The following CSMD1 variants were observed in gnomAD, a reference collection of about 807,000 sequenced individuals.
CSMD1 encodes CUB and sushi domain-containing protein 1.
In CSMD1, 213 loss-of-function variants were observed where a neutral mutation model predicts 417.5. The observed-to-expected ratio is 0.51, with a 90% CI of 0.46 to 0.57. The LOEUF is 0.57. Among genes scored for constraint, CSMD1 ranks in the 20% least tolerant of loss-of-function variants. The pLI is 0.00. For synonymous variants in CSMD1, 2,862 were observed against 1,736.8 expected, an observed-to-expected ratio of 1.65 and a Z score of -16.11; for missense variants, 6,923 against 4,529.7, an observed-to-expected ratio of 1.53 and a Z score of -15.17.
intron 18 of CSMD1, among the ~76,000 whole-genome samples, chr8:3,370,064 G>T (rs891846216): frequency 1.3e-5 from 2 of 152,142 alleles, no homozygotes; most frequent in Non-Finnish European, 2.9e-5. Flanking sequence ...GATTAAAATG[G>T]TACCTACTGA....
intron 3 of CSMD1, among the ~76,000 whole-genome samples, chr8:4,329,821 T>C (rs1021425098): frequency 7.3e-5 from 11 of 150,344 alleles, no homozygotes; most frequent in African/African-American, 2.7e-4. Context: ...ATGTGGTCAA[T>C]TAAAAAAGTG....
intron 18 of CSMD1, chr8:3,375,126 T>A (rs1002961920): frequency 1.1e-4 from 16 of 152,180 alleles, no homozygotes; most frequent in African/African-American, 3.9e-4. Context: ...CACATGTACA[T>A]GTTAAACACT....
At chr8:4,939,630 C>A (rs773724266) in intron 1 of CSMD1, among the ~76,000 whole-genome samples, 2 of 151,440 alleles carry the variant, frequency 1.3e-5, no homozygotes, top group Non-Finnish European at 2.9e-5. Context: ...CGGCCATTAA[C>A]AAGGGCTGGG....
chr8:4,685,346 G>C (rs933956697), intron 1 of CSMD1, among the ~76,000 whole-genome samples: 1 of 152,164 alleles, frequency 6.6e-6, no homozygotes, highest in African/African-American at 2.4e-5. Context: ...GGCTGAGGCA[G>C]GCAGATCACC....
At chr8:4,245,950 A>G (rs150866326) in intron 3 of CSMD1, among the ~76,000 whole-genome samples, 47 of 152,292 alleles carry the variant, frequency 3.1e-4, no homozygotes, top group Middle Eastern at 6.8e-3. Context: ...TTCCTTCTAA[A>G]CAATACAATC....
intron 50 of CSMD1, among the ~76,000 whole-genome samples, chr8:3,038,734 T>A (rs1045276800): frequency 6.6e-6 from 1 of 152,204 alleles, no homozygotes. Flanking sequence ...ATTGCCCTAA[T>A]TATAAAATTT....
At chr8:4,358,256 T>C (rs910741639) in intron 3 of CSMD1, among the ~76,000 whole-genome samples, 2 of 152,234 alleles carry the variant, frequency 1.3e-5, no homozygotes, top group Non-Finnish European at 2.9e-5. Context: ...TGTTGAACTT[T>C]TGCTTTACCA....
At chr8:3,414,529 A>T (rs1264796775) in intron 12 of CSMD1, among the ~76,000 whole-genome samples, 1 of 152,086 alleles carries the variant, frequency 6.6e-6, no homozygotes, top group Non-Finnish European at 1.5e-5. Flanking sequence ...ATCGCTCCCC[A>T]TGCTGCATCC....
At chr8:4,403,808 C>G (rs1193089352) in intron 3 of CSMD1, among the ~76,000 whole-genome samples, 1 of 152,166 alleles carries the variant, frequency 6.6e-6, no homozygotes, top group Non-Finnish European at 1.5e-5. Flanking sequence ...GCTTACATTT[C>G]TAGCTGCTCA....
intron 57 of CSMD1, among the ~76,000 whole-genome samples, chr8:2,968,265 C>T (rs192550505): frequency 2.6e-5 from 4 of 152,322 alleles, no homozygotes; most frequent in Admixed American, 1.3e-4. Context: ...AATGGAAAGC[C>T]TGTCACAGAA....
chr8:3,509,616 T>C (rs1157419430), intron 10 of CSMD1, among the ~76,000 whole-genome samples: 1 of 152,184 alleles, frequency 6.6e-6, no homozygotes, highest in East Asian at 1.9e-4. Flanking sequence ...ATATAACAGA[T>C]CTAATCTGGG....
chr8:3,923,353 T>C (rs1474990597), intron 5 of CSMD1, among the ~76,000 whole-genome samples: 1 of 152,202 alleles, frequency 6.6e-6, no homozygotes, highest in Non-Finnish European at 1.5e-5. Flanking sequence ...CGTATATTTT[T>C]TTCGCTTGTC....
At chr8:3,526,563 T>C (rs1378923560) in intron 10 of CSMD1, among the ~76,000 whole-genome samples, 1 of 152,166 alleles carries the variant, frequency 6.6e-6, no homozygotes, top group African/African-American at 2.4e-5. Context: ...GTGTCACTAA[T>C]GCATCATTGC....
intron 2 of CSMD1, among the ~76,000 whole-genome samples, chr8:4,452,944 G>A (rs982003944): frequency 1.3e-5 from 2 of 152,148 alleles, no homozygotes; most frequent in South Asian, 2.1e-4. Context: ...TAGTTAAATA[G>A]CGTTGATTTT....
At chr8:4,204,445 C>T (rs747765982) in intron 3 of CSMD1, among the ~76,000 whole-genome samples, 73 of 152,256 alleles carry the variant, frequency 4.8e-4, no homozygotes, top group Middle Eastern at 3.4e-3. Context: ...ACCACTTTTC[C>T]TTCATGAACA....
At chr8:3,198,211 G>T (rs987070199) in intron 33 of CSMD1, among the ~76,000 whole-genome samples, 1 of 152,154 alleles carries the variant, frequency 6.6e-6, no homozygotes, top group Non-Finnish European at 1.5e-5. Flanking sequence ...ATTGTCTGAT[G>T]ATGGGATAGA....
At chr8:3,075,133 C>T (rs10112229) in intron 49 of CSMD1, among the ~76,000 whole-genome samples, 79,971 of 151,862 alleles carry the variant, frequency 0.53, 21,883 homozygotes, top group Non-Finnish European at 0.59. Flanking sequence ...TCACCTTCTG[C>T]CATGATTAGA....
At chr8:3,079,222 G>A (rs916765364) in intron 49 of CSMD1, among the ~76,000 whole-genome samples, 1 of 152,142 alleles carries the variant, frequency 6.6e-6, no homozygotes, top group African/African-American at 2.4e-5. Context: ...ATGGGAGTTG[G>A]CCAGTTTGAG....
chr8:3,638,953 T>G (rs1317488299), intron 7 of CSMD1, among the ~76,000 whole-genome samples: 3 of 152,208 alleles, frequency 2.0e-5, no homozygotes, highest in Non-Finnish European at 2.9e-5. Context: ...GTATGGGAAT[T>G]CAGAAATTAT....
Sources: gnomAD v4.1 joint callset for allele counts (sites outside exome capture counted in the v4.1 genomes callset) on GRCh38, gnomAD v4.1.1 for gene constraint, MANE v1.5 for transcripts, NCBI Gene and HGNC (gene_info 2026-07-23, HGNC 2026-07-21) for gene names.